The following NELFA variants were observed in gnomAD, a reference collection of about 807,000 sequenced individuals.
The protein encoded by NELFA is negative elongation factor complex member A.
A neutral mutation model predicts 51.8 loss-of-function variants in NELFA; 35 were observed. The observed-to-expected ratio is 0.68, with a 90% CI of 0.52 to 0.90. The LOEUF (loss-of-function observed/expected upper bound fraction) is 0.90, where lower values mean the gene tolerates loss of function less well. Among genes scored for constraint, NELFA ranks in the 40% least tolerant of loss-of-function variants. The probability of loss-of-function intolerance (pLI) is 0.00; values close to 1 mark genes in which losing one functional copy is unlikely to be tolerated. For missense variants in NELFA, 658 were observed against 746.4 expected (o/e 0.88, Z 1.38); for synonymous variants, 417 against 338.4 (o/e 1.23, Z -2.55).
intron 1 of NELFA, 172 bp from the exon 2 acceptor site, chr4:1,991,887 A>G (rs1728279117): frequency 4.6e-6 from 3 of 646,776 alleles, no homozygotes. Flanking sequence ...CCCCAGGGCC[A>G]CCTTGCTTCC....
rs1167853355 is a variant in NELFA, at chr4:1,983,180, TA to T, written c.*138del. On this transcript the variant is annotated 3_prime_UTR_variant, in exon 11 of 11. Transcript: ENST00000382882. Reference sequence around the variant, plus strand: ...ACCCCAGAGAAATGCATCCAGAACTTAAAACAGGCTGGGTCAGCAGCAGGGC... The same window carrying T: ...ACCCCAGAGAAATGCATCCAGAACTTAAACAGGCTGGGTCAGCAGCAGGGC... The T allele has an allele frequency of 6.5e-6, 5 of 773,410 alleles. No individual in the cohort carries two copies. In the East Asian group the frequency reaches 1.4e-4, roughly 21 times the overall value. The allele number at this position is 773,410 out of a possible 1,614,324, so 47.9% of individuals were successfully genotyped here.
rs1728342202 is a variant in NELFA at position 1,993,598 on chromosome 4, A to G, written c.211-1883T>C. On this transcript the variant is annotated intron_variant, in intron 1 of 10. Coordinates refer to ENST00000382882, the MANE Select transcript of NELFA (RefSeq NM_005663.5). ...CATCTCAAAAAAAAAAAAGAAAGAA[A>G]GAAAGAAAAAGAAAAGAAAGAAAGA... 5.3e-5 allele frequency among the ~76,000 whole-genome samples: 8 copies of G among 151,928 alleles called. 1 individual carries two copies. The South Asian group carries it at 1.7e-3, about 31-fold the overall frequency.
At chr4:2,008,051 G>C (rs1011212253) in intron 1 of NELFA, 4 of 456,718 alleles carry the variant, frequency 8.8e-6, no homozygotes, top group African/African-American at 8.0e-5. Context: ...CGGGGTCTTT[G>C]CGAGGTGAGA....
chr4:1,994,883 C>T (rs1373205461), intron 1 of NELFA, among the ~76,000 whole-genome samples: 3 of 152,028 alleles, frequency 2.0e-5, no homozygotes, highest in South Asian at 2.1e-4. Context: ...TAAAAAGACA[C>T]ATTACAAAAC....
chr4:2,005,970 G>T (rs1425863113), intron 1 of NELFA, among the ~76,000 whole-genome samples: 1 of 152,136 alleles, frequency 6.6e-6, no homozygotes, highest in East Asian at 1.9e-4. Flanking sequence ...CAGCAGGCAG[G>T]CTCTACGTGT....
In NELFA at chr4:1,986,370, A is replaced by AGACGCT; in HGVS notation, c.666_667insAGCGTC (p.Pro222_Phe223insSerVal). 6.2e-7 allele frequency: 1 copy of AGACGCT among 1,610,678 alleles called. No individual in the cohort carries two copies. The highest frequency in any genetic ancestry group is 8.5e-7 in the Non-Finnish European group (1 of 1,178,824). On this transcript the variant is annotated inframe_insertion, in exon 5 of 11. Transcript: ENST00000382882. Reference sequence around the variant, plus strand: ...ACGCTGGGCGCCGTGGGGCTTCTGAAGGGCGCCTGCTTCGGGATGCCTTTG... The same window carrying AGACGCT: ...ACGCTGGGCGCCGTGGGGCTTCTGAAGACGCTGGGCGCCTGCTTCGGGATGCCTTTG...
intron 1 of NELFA, chr4:2,004,221 G>A (rs988125445): frequency 2.0e-5 from 3 of 152,038 alleles, no homozygotes; most frequent in African/African-American, 4.8e-5. Flanking sequence ...AAAGAAGTCA[G>A]GCACAAAAGA....
In NELFA at chr4:1,989,713, T is replaced by A. The variant is rs1391898213; in HGVS notation, c.539A>T (p.Gln180Leu). 1 of 1,613,556 alleles carries A rather than the reference T, an allele frequency of 6.2e-7. No individual in the cohort carries two copies. The highest frequency in any genetic ancestry group is 8.5e-7 in the Non-Finnish European group (1 of 1,179,840). The change falls in exon 3 of 11, where the codon CAG (glutamine) becomes CTG (leucine). Residue 180 changes from glutamine to leucine, a missense_variant. Coordinates refer to ENST00000382882, the MANE Select transcript of NELFA (RefSeq NM_005663.5). The surrounding 1 kb of genome is among the most constrained non-coding windows in gnomAD (Gnocchi z 4.8). ...TGGCGGCCGCGGCCACTCACACTTC[T>A]GCAGCAGCTCCGCCCGCAGCGTGGC... ...KSATLRAELL[Q>L]KSTETAQQLK...
chr4:1,992,297 G>T (rs1250989122), intron 1 of NELFA: 1 of 242,858 alleles, frequency 4.1e-6, no homozygotes, highest in Admixed American at 6.1e-5. Flanking sequence ...GTTGGCGCTC[G>T]TGGAGCCTGG....
intron 2 of NELFA, chr4:1,990,201 C>A (rs188367424): frequency 5.3e-5 from 22 of 414,086 alleles, no homozygotes; most frequent in African/African-American, 4.1e-4. Flanking sequence ...GAAATGTTAA[C>A]AGATCCCACC....
chr4:1,990,507 T>TG (rs758675250), intron 2 of NELFA: 1 of 456,338 alleles, frequency 2.2e-6, no homozygotes, highest in South Asian at 1.5e-5. Context: ...ACGGGTGGGG[T>TG]GGGGTGGACC....
chr4:1,994,995 T>C (rs967679048), intron 1 of NELFA, among the ~76,000 whole-genome samples: 16 of 152,256 alleles, frequency 1.1e-4, no homozygotes, highest in African/African-American at 3.9e-4. Context: ...ATGGGGCACC[T>C]GGACAGTTAG....
In NELFA at chr4:1,985,843, G is replaced by T; in HGVS notation, c.857C>A (p.Pro286Gln). 1.2e-6 allele frequency: 2 copies of T among 1,613,098 alleles called. No individual in the cohort carries two copies. The highest frequency in any genetic ancestry group is 1.7e-6 in the Non-Finnish European group (2 of 1,179,676). The change falls in exon 7 of 11, where the codon CCG becomes CAG. Residue 286 changes from proline to glutamine, a missense_variant. By Grantham distance (76) the Pro-to-Gln change is moderately conservative. Coordinates refer to ENST00000382882, the MANE Select transcript of NELFA (RefSeq NM_005663.5). ...KTLDAEVVEK[P>Q]AKEETVVENA... ...CTCCACCACCGTTTCCTCCTTGGCC[G>T]GCTTCTCCACCACCTCCGCATCTGT... is the stretch of plus-strand genomic sequence containing the variant.
intron 7 of NELFA, among the ~76,000 whole-genome samples, chr4:1,985,191 G>A (rs1728046493): frequency 1.3e-5 from 2 of 152,174 alleles, no homozygotes; most frequent in South Asian, 2.1e-4. Context: ...AAGGAGCGAT[G>A]CTTTTTCTTA....
intron 1 of NELFA, among the ~76,000 whole-genome samples, chr4:1,995,376 G>T (rs1470310350): frequency 6.6e-6 from 1 of 152,138 alleles, no homozygotes; most frequent in Non-Finnish European, 1.5e-5. Flanking sequence ...TAGTCACCCT[G>T]TATCTATGGT....
At chr4:1,985,600 C>T (rs113576307) in intron 7 of NELFA, among the ~76,000 whole-genome samples, 176 bp downstream of exon 7, 2,286 of 152,310 alleles carry the variant, frequency 0.015, 49 homozygotes, top group African/African-American at 0.053. Context: ...ATGCCCATGT[C>T]AGGGCACGGC....
Position 1,987,966 on chromosome 4 carries a change from G to C in NELFA, c.586C>G (p.Pro196Ala), listed in dbSNP as rs1201873908. 1.9e-6 allele frequency: 3 copies of C among 1,611,136 alleles called. No homozygotes were observed. Among genetic ancestry groups the C allele is most frequent in the Non-Finnish European group, 2.5e-6 (3 of 1,179,714 alleles). Residue 196 changes from proline (P) to alanine (A), a missense_variant, in exon 4 of 11, where the codon CCC becomes GCC. Pro to Ala is a conservative substitution (Grantham distance 27). Transcript: ENST00000382882. ...AQQLKRSAGVPFHAKGRGLLR... is the reference protein window; with the variant it reads ...AQQLKRSAGVAFHAKGRGLLR... ...AGCCCCCGGCCCTTGGCGTGGAAGG[G>C]CACCCCGGCGCTCCGCTTCAACTGC...
intron 1 of NELFA, among the ~76,000 whole-genome samples, chr4:2,006,066 G>A (rs544796817): frequency 6.6e-6 from 1 of 152,328 alleles, no homozygotes; most frequent in East Asian, 1.9e-4. Context: ...TACAGTGGGA[G>A]GGTTTGCTCC....
At chr4:1,999,336 A>G (rs928487468) in intron 1 of NELFA, among the ~76,000 whole-genome samples, 1 of 151,932 alleles carries the variant, frequency 6.6e-6, no homozygotes, top group African/African-American at 2.4e-5. Context: ...CCCCAATTAA[A>G]AGACACAGAC....
Sources: allele counts gnomAD v4.1 joint callset (sites outside exome capture counted in the v4.1 genomes callset), GRCh38; gene constraint gnomAD v4.1.1; non-coding constraint Gnocchi (gnomAD v3.1); transcripts MANE v1.5; gene names NCBI Gene and HGNC (gene_info 2026-07-23, HGNC 2026-07-21).